The following CCDC3 variants were observed in gnomAD, a reference collection of about 807,000 sequenced individuals.
CCDC3 encodes coiled-coil domain-containing protein 3.
A neutral mutation model predicts 21.4 loss-of-function variants in CCDC3; 24 were observed. That is an observed-to-expected ratio of 1.12 (90% CI 0.81 to 1.58). The LOEUF (loss-of-function observed/expected upper bound fraction) is 1.58. Among genes scored for constraint, CCDC3 ranks in the 40% most tolerant of loss-of-function variants. The pLI is 0.00. For missense variants in CCDC3, 425 were observed against 360.9 expected (o/e 1.18, Z -1.44); for synonymous variants, 186 against 166.0 (o/e 1.12, Z -0.93).
chr10:13,045,161 C>T (rs1160141144), intron 5 of CCDC3, among the ~76,000 whole-genome samples: 3 of 152,126 alleles, frequency 2.0e-5, no homozygotes, highest in African/African-American at 7.2e-5. Context: ...GTGATATATT[C>T]AATGCCTGAA....
chr10:13,077,415 G>A (rs561295934), intron 3 of CCDC3, among the ~76,000 whole-genome samples: 10 of 152,270 alleles, frequency 6.6e-5, no homozygotes, highest in South Asian at 2.1e-4. Context: ...AATCAATATC[G>A]TGAAAATGGC....
intron 5 of CCDC3, among the ~76,000 whole-genome samples, chr10:13,007,420 G>T (rs752668965): frequency 6.6e-6 from 1 of 152,064 alleles, no homozygotes; most frequent in Non-Finnish European, 1.5e-5. Flanking sequence ...ACTCTCAAAC[G>T]CATCAAAACA....
chr10:12,950,574 T>A (rs1834992859), intron 2 of CCDC3, among the ~76,000 whole-genome samples: 1 of 152,230 alleles, frequency 6.6e-6, no homozygotes, highest in African/African-American at 2.4e-5. Context: ...AATGCTTTCA[T>A]ACTTTGGGGT....
intron 2 of CCDC3, among the ~76,000 whole-genome samples, chr10:12,900,303 C>G (rs1355508881): frequency 6.6e-6 from 1 of 152,034 alleles, no homozygotes; most frequent in Non-Finnish European, 1.5e-5. Context: ...CAATCTTTCT[C>G]CTTTCTCCCA....
At chr10:12,954,529 G>A (rs1442594750) in intron 2 of CCDC3, among the ~76,000 whole-genome samples, 5 of 152,146 alleles carry the variant, frequency 3.3e-5, no homozygotes. Flanking sequence ...TTCTGGTAGG[G>A]GCTCAGGAAG....
chr10:12,966,928 G>A (rs959976274), intron 2 of CCDC3, among the ~76,000 whole-genome samples: 10 of 152,216 alleles, frequency 6.6e-5, no homozygotes, highest in African/African-American at 2.4e-4. Context: ...AAGGCAGGGT[G>A]TGGAAATGGA....
At position 12,897,496 on chromosome 10, in the gene CCDC3, T is replaced by C. The variant is rs1455500729; in HGVS notation, c.*920A>G. 1 of 151,842 alleles carries C rather than the reference T, an allele frequency of 6.6e-6. No individual in the cohort carries two copies. Among genetic ancestry groups the C allele is most frequent in the Non-Finnish European group, 1.5e-5 (1 of 68,000 alleles). 9.4% of individuals were successfully genotyped at this position (151,842 alleles called of 1,614,324 possible). On this transcript the variant is annotated 3_prime_UTR_variant, in exon 3 of 3. Transcript: ENST00000378825. ...AGCCCTTTGGGAGCCTGGCTGGGAG[T>C]GAGGTCAGGTCACGTGATCCCAGTA...
At chr10:12,919,767 C>T (rs73586006) in intron 2 of CCDC3, among the ~76,000 whole-genome samples, 7,719 of 151,188 alleles carry the variant, frequency 0.051, 245 homozygotes, top group South Asian at 0.1. Flanking sequence ...GGGGGGTGGG[C>T]GTTAGCCCGA....
At chr10:13,066,657 C>T (rs543584517) in intron 4 of CCDC3, among the ~76,000 whole-genome samples, 1 of 152,306 alleles carries the variant, frequency 6.6e-6, no homozygotes, top group South Asian at 2.1e-4. Flanking sequence ...CTCCGACCCA[C>T]CCCACAAGTG....
chr10:12,953,815 A>T (rs1326138524), intron 2 of CCDC3, among the ~76,000 whole-genome samples: 2 of 152,208 alleles, frequency 1.3e-5, no homozygotes, highest in African/African-American at 4.8e-5. Flanking sequence ...AGTCTTTGGA[A>T]GCTAGACTTC....
intron 4 of CCDC3, among the ~76,000 whole-genome samples, chr10:13,056,111 TAC>T (rs976164500): frequency 4.6e-5 from 7 of 152,228 alleles, no homozygotes; most frequent in Admixed American, 1.3e-4. Flanking sequence ...CTTCACACAT[TAC>T]AGTTTAATTC....
chr10:12,974,428 A>T (rs1306038265), intron 2 of CCDC3, among the ~76,000 whole-genome samples: 1 of 152,330 alleles, frequency 6.6e-6, no homozygotes, highest in Non-Finnish European at 1.5e-5. Context: ...CACAGTTGTT[A>T]TCTCCAGGAG....
intron 2 of CCDC3, among the ~76,000 whole-genome samples, chr10:12,925,170 G>A (rs1426214020): frequency 6.6e-6 from 1 of 152,150 alleles, no homozygotes; most frequent in Non-Finnish European, 1.5e-5. Context: ...AAAACCCTGG[G>A]TCAGACTGGC....
rs532465723 is a variant in CCDC3, at chr10:13,080,852, G to T, written c.-502-6752C>A. On this transcript the variant is annotated intron_variant, in intron 3 of 6. Transcript: ENST00000378839. The stretch of plus-strand genomic sequence containing the variant: ...AGCCCAAGGCCAGAGGCCAGACAGT[G>T]GGGGCTTGGGCAGGAGCAAAGTCTA... Among the ~76,000 whole-genome samples the T allele has an allele frequency of 3.2e-4, 48 of 152,378 alleles. 2 individuals carry two copies. The South Asian group carries it at 8.9e-3, about 28-fold the overall frequency.
chr10:13,083,008 TG>T (rs1221838550), intron 3 of CCDC3, among the ~76,000 whole-genome samples: 1 of 152,198 alleles, frequency 6.6e-6, no homozygotes, highest in Non-Finnish European at 1.5e-5. Flanking sequence ...AGCACCTGGA[TG>T]GCTTGCTGCC....
chr10:13,086,510 G>C lies in CCDC3; in HGVS notation c.-503+12015C>G, dbSNP rs549995039. ...CTTGCTCTGTCACCCAGGCTGAAGT[G>C]CAGTGGCACAATCTCAGCTCACCGC... On this transcript the variant is annotated intron_variant, in intron 3 of 6. Coordinates refer to the CCDC3 transcript ENST00000378839. Among the ~76,000 whole-genome samples, 62 of 152,286 alleles carry C rather than the reference G, an allele frequency of 4.1e-4. No individual in the cohort carries two copies. The South Asian group carries it at 0.012, about 31-fold the overall frequency.
At chr10:12,917,215 A>G (rs1302912973) in intron 2 of CCDC3, among the ~76,000 whole-genome samples, 4 of 61,236 alleles carry the variant, frequency 6.5e-5, no homozygotes, top group African/African-American at 2.2e-4. Flanking sequence ...TTTTTTTTTG[A>G]GACAGTCTTG....
chr10:12,906,906 T>C (rs1445541861), intron 2 of CCDC3, among the ~76,000 whole-genome samples: 3 of 152,184 alleles, frequency 2.0e-5, no homozygotes, highest in Non-Finnish European at 2.9e-5. Flanking sequence ...GTGTCTGTGA[T>C]TTTTTGCATC....
At chr10:12,932,046 T>A (rs1834654789) in intron 2 of CCDC3, among the ~76,000 whole-genome samples, 1 of 152,200 alleles carries the variant, frequency 6.6e-6, no homozygotes, top group Non-Finnish European at 1.5e-5. Flanking sequence ...CACTATTGAG[T>A]CTTCCTATCC....
Sources: gnomAD v4.1 joint callset for allele counts (sites outside exome capture counted in the v4.1 genomes callset) on GRCh38, gnomAD v4.1.1 for gene constraint, MANE v1.5 for transcripts, NCBI Gene and HGNC (gene_info 2026-07-23, HGNC 2026-07-21) for gene names.